Variants in PLEKHG4B observed in about 807,000 individuals in gnomAD.
PLEKHG4B encodes the protein pleckstrin homology domain-containing family G member 4B.
Under a neutral mutation model 121.3 loss-of-function variants are expected in PLEKHG4B, and 111 were observed. That is an observed-to-expected ratio of 0.92 (90% confidence interval 0.78 to 1.07). The LOEUF is 1.07. Ranked by LOEUF, PLEKHG4B falls within the 50% of genes least tolerant of loss-of-function variation. The pLI is 0.00. For synonymous variants in PLEKHG4B, 738 were observed against 725.0 expected, an observed-to-expected ratio of 1.02 and a Z score of -0.29; for missense variants, 1,831 against 1,757.8, an observed-to-expected ratio of 1.04 and a Z score of -0.74.
rs1250861456 is a variant in PLEKHG4B, at chr5:186,495, G to A, written c.*4172G>A. 6.6e-6 allele frequency: 1 copy of A among 152,334 alleles called. No homozygotes were observed. The highest frequency in any genetic ancestry group is 2.4e-5 in the African/African-American group (1 of 41,472). 9.4% of individuals were successfully genotyped at this position (152,334 alleles called of 1,614,324 possible). ...CTCAGGGTCACTCACCCCGCCACGT[G>A]AGGCCACTTCCGCCCAGCACTGGGG... On this transcript the variant is annotated 3_prime_UTR_variant, in exon 20 of 20. Coordinates refer to ENST00000637938, the MANE Select transcript of PLEKHG4B (RefSeq NM_052909.5).
At chr5:112,885 G>A (rs1416765393) in intron 1 of PLEKHG4B, among the ~76,000 whole-genome samples, 1 of 152,128 alleles carries the variant, frequency 6.6e-6, no homozygotes, top group Non-Finnish European at 1.5e-5. Flanking sequence ...AAGACCTTAT[G>A]CTGTTCAGGT....
rs75881641 is a variant in PLEKHG4B, at chr5:112,896, G to T, written c.46-355G>T. ...CCCAAAGACCTTATGCTGTTCAGGT[G>T]CAGGGGATGAAACTTACCCTAAATC... is the stretch of plus-strand genomic sequence containing the variant. On this transcript the variant is annotated intron_variant, in intron 1 of 19. Transcript: ENST00000637938. Among the ~76,000 whole-genome samples the T allele has an allele frequency of 2.4e-3, 364 of 152,220 alleles. 12 individuals carry two copies. The East Asian group carries it at 0.059, about 25-fold the overall frequency.
chr5:96,916 G>T (rs1184194800), intron 1 of PLEKHG4B, among the ~76,000 whole-genome samples: 2 of 152,196 alleles, frequency 1.3e-5, no homozygotes, highest in African/African-American at 4.8e-5. Flanking sequence ...TTTCTGAAAA[G>T]AATTTAGCAA....
In PLEKHG4B at chr5:144,842, C is replaced by T; in HGVS notation, c.1827C>T (p.Asp609=). The change falls in exon 6 of 20, where the codon GAC becomes GAT. Residue 609 remains aspartate, a synonymous_variant. Transcript: ENST00000637938. The stretch of plus-strand genomic sequence containing the variant: ...CCCTCCCCAGGAAAGAGGTCCGGGA[C>T]CTGGGGCTGGTTGTCCTGGTGGATG... ...FHSIPRKEVR[D]LGLVVLVDAR... 6.2e-7 allele frequency: 1 copy of T among 1,613,354 alleles called. No homozygotes were observed. Among genetic ancestry groups the T allele is most frequent in the Non-Finnish European group, 8.5e-7 (1 of 1,179,884 alleles).
At chr5:120,997 A>T (rs1193124248) in intron 2 of PLEKHG4B, among the ~76,000 whole-genome samples, 2 of 152,226 alleles carry the variant, frequency 1.3e-5, no homozygotes, top group African/African-American at 4.8e-5. Context: ...CTGTAATCCC[A>T]GCACTTTGGG....
rs2126437161 is a variant in PLEKHG4B at position 162,765 on chromosome 5, C to T, written c.2693C>T (p.Ser898Phe). The change falls in exon 13 of 20, where the codon TCC becomes TTC. Residue 898 changes from serine (S) to phenylalanine (F), a missense_variant. Physicochemically the swap from Ser to Phe is radical, Grantham distance 155. Transcript: ENST00000637938. Reference protein sequence around the residue: ...MGPLDPEACPSSPVAECLRSC... With the variant: ...MGPLDPEACPFSPVAECLRSC... ...CCCCTGGACCCGGAGGCTTGTCCCT[C>T]CTCACCCGTGGCTGAGTGTTTGAGG... 6.1e-6 allele frequency: 9 copies of T among 1,476,230 alleles called. No individual in the cohort carries two copies. Among genetic ancestry groups the T allele is most frequent in the South Asian group, 2.9e-5 (2 of 69,470 alleles). The allele number at this position is 1,476,230 out of a possible 1,614,324, so 91.4% of individuals were successfully genotyped here. A position where few individuals can be genotyped will look rare whatever the true frequency, so the allele number is the denominator to read the frequency against.
intron 2 of PLEKHG4B, among the ~76,000 whole-genome samples, chr5:131,886 G>T (rs1463339984): frequency 1.3e-5 from 2 of 152,184 alleles, no homozygotes; most frequent in Non-Finnish European, 2.9e-5. Flanking sequence ...ATAGTTTCAT[G>T]TGTCTGTTGG....
In PLEKHG4B at chr5:135,705, ATATATATATATATATATATATATG is replaced by A. The variant is rs1348628972; in HGVS notation, c.244-3774_244-3751del. The stretch of plus-strand genomic sequence containing the variant: ...AAAATATATATATATATATATATAT[ATATATATATATATATATATATATG>A]TATGTCAGTACTACCCAAAGTGATC... On this transcript the variant is annotated intron_variant, in intron 2 of 19. Coordinates refer to ENST00000637938, the MANE Select transcript of PLEKHG4B (RefSeq NM_052909.5). 2.4e-3 allele frequency among the ~76,000 whole-genome samples: 237 copies of A among 97,728 alleles called. 4 individuals carry two copies. Among genetic ancestry groups the A allele is most frequent in the African/African-American group, 0.01 (218 of 21,248 alleles). The allele number at this position is 97,728 out of a possible 152,430, so 64.1% of individuals were successfully genotyped here.
rs890365108 is a variant in PLEKHG4B at position 163,104 on chromosome 5, G to T, written c.3032G>T (p.Gly1011Val). 1.3e-6 allele frequency: 2 copies of T among 1,564,944 alleles called. No individual in the cohort carries two copies. Among genetic ancestry groups the T allele is most frequent in the Non-Finnish European group, 1.7e-6 (2 of 1,154,854 alleles). Residue 1011 changes from glycine to valine, a missense_variant, in exon 13 of 20, where the codon GGC becomes GTC. Coordinates refer to ENST00000637938, the MANE Select transcript of PLEKHG4B (RefSeq NM_052909.5). ...GAWEPAQPLS[G>V]LPGRALLCGQ... ...TGGGAACCTGCGCAACCACTGTCCG[G>T]CCTCCCTGGACGAGCGCTTCTGTGT...
intron 2 of PLEKHG4B, among the ~76,000 whole-genome samples, chr5:133,628 A>C (rs1734842204): frequency 6.6e-6 from 1 of 152,184 alleles, no homozygotes. Flanking sequence ...AAATAAAAAA[A>C]TAATAGATGT....
At position 187,631 on chromosome 5, in the gene PLEKHG4B, C is replaced by T. The variant is rs930368725; in HGVS notation, c.*5308C>T. ...AGGAAAGACCTTTCCTTGGCTGACC[C>T]TAAAGTAGCCAAGGGGAGCTCACAT... is the stretch of plus-strand genomic sequence containing the variant. On this transcript the variant is annotated 3_prime_UTR_variant, in exon 20 of 20. Coordinates refer to ENST00000637938, the MANE Select transcript of PLEKHG4B (RefSeq NM_052909.5). 5 of 152,290 alleles carry T rather than the reference C, an allele frequency of 3.3e-5. No homozygotes were observed. The highest frequency in any genetic ancestry group is 6.5e-5 in the Admixed American group (1 of 15,286). 9.4% of individuals were successfully genotyped at this position (152,290 alleles called of 1,614,324 possible).
intron 1 of PLEKHG4B, among the ~76,000 whole-genome samples, chr5:94,347 G>C (rs929674537): frequency 1.3e-5 from 2 of 152,240 alleles, no homozygotes; most frequent in Non-Finnish European, 2.9e-5. Flanking sequence ...CAGGTGCCAC[G>C]TGTGTGGTGA....
rs1560893256 is a variant in PLEKHG4B at position 100,356 on chromosome 5, A to AAAAGTCTGTAGGGGAG, written c.45+8081_45+8082insAAGTCTGTAGGGGAGA. ...TAACTGGAAAAAGGTCTGTAGGGGA[A>AAAAGTCTGTAGGGGAG]AGACTGTTGTGAGGTTAATCCATAT... On this transcript the variant is annotated intron_variant, in intron 1 of 19. Coordinates refer to ENST00000637938, the MANE Select transcript of PLEKHG4B (RefSeq NM_052909.5). Among the ~76,000 whole-genome samples the AAAAGTCTGTAGGGGAG allele has an allele frequency of 1.0e-3, 155 of 150,666 alleles. 2 individuals are homozygous for AAAAGTCTGTAGGGGAG. The highest frequency in any genetic ancestry group is 3.5e-3 in the African/African-American group (144 of 40,936).
chr5:155,306 CTG>C (rs746628723), intron 8 of PLEKHG4B, 37 bp from the exon 9 acceptor site: 1 of 1,534,380 alleles, frequency 6.5e-7, no homozygotes, highest in Non-Finnish European at 9.0e-7. Context: ...ATTTAACAGA[CTG>C]TGTTCTTATA....
rs901228346 is a variant in PLEKHG4B at position 156,472 on chromosome 5, G to A, written c.2348+262G>A. On this transcript the variant is annotated intron_variant, in intron 10 of 19. Transcript: ENST00000637938. This position sits in a 1 kb window ranked among gnomAD's most constrained non-coding sequence, Gnocchi z 4.4. ...AATGAGCTCATTCTTGACCAGTGCT[G>A]CCTGGGGAGCTGTGCCCACCCCCAG... Among the ~76,000 whole-genome samples the A allele has an allele frequency of 6.6e-6, 1 of 151,820 alleles. No homozygotes were observed. Among genetic ancestry groups the A allele is most frequent in the African/African-American group, 2.4e-5 (1 of 41,334 alleles).
rs1405028547 is a variant in PLEKHG4B, at chr5:163,402, C to T, written c.3330C>T (p.Gly1110=). ...ACCATACTAGTGTCTTCAGCAAGGG[C>T]CTGGAGGTAACCAGCACTGTAGCCA... ...QPDHTSVFSK[G]LEVTSTVATE... Residue 1110 remains glycine, a synonymous_variant, in exon 13 of 20, where the codon GGC becomes GGT. Coordinates refer to ENST00000637938, the MANE Select transcript of PLEKHG4B (RefSeq NM_052909.5). 6.2e-7 allele frequency: 1 copy of T among 1,613,062 alleles called. No individual in the cohort carries two copies. The highest frequency in any genetic ancestry group is 8.5e-7 in the Non-Finnish European group (1 of 1,180,040).
At chr5:102,871 GAC>G (rs1210136662) in intron 1 of PLEKHG4B, among the ~76,000 whole-genome samples, 1 of 152,238 alleles carries the variant, frequency 6.6e-6, no homozygotes, top group Non-Finnish European at 1.5e-5. Context: ...ACATCTGTGT[GAC>G]ACGTGGCTTT....
chr5:181,753 A>G (rs1733393361), intron 19 of PLEKHG4B, 78 bp downstream of exon 19: 6 of 1,535,250 alleles, frequency 3.9e-6, no homozygotes, highest in East Asian at 4.5e-5. Context: ...GTACGGTGGC[A>G]TCGGCCCCAC....
chr5:136,507 G>A (rs1455280396), intron 2 of PLEKHG4B, among the ~76,000 whole-genome samples: 1 of 152,176 alleles, frequency 6.6e-6, no homozygotes, highest in Non-Finnish European at 1.5e-5. Flanking sequence ...ATAGAAGACT[G>A]AACAGGTATT....
Sources: allele counts gnomAD v4.1 joint callset (sites outside exome capture counted in the v4.1 genomes callset), GRCh38; gene constraint gnomAD v4.1.1; non-coding constraint Gnocchi (gnomAD v3.1); transcripts MANE v1.5; gene names NCBI Gene and HGNC (gene_info 2026-07-23, HGNC 2026-07-21).